The following GOLIM4 variants were observed in gnomAD, a reference collection of about 807,000 sequenced individuals.
GOLIM4 encodes 130 kDa golgi-localized phosphoprotein.
GOLIM4 carries 71 observed loss-of-function variants against 107.4 expected under a neutral mutation model. That is an observed-to-expected ratio of 0.66 (90% CI 0.55 to 0.81). The LOEUF is 0.81. Ranked by LOEUF, GOLIM4 falls within the 30% of genes least tolerant of loss-of-function variation. The pLI, the probability that GOLIM4 is intolerant of heterozygous loss-of-function variation, is 0.00. For missense variants in GOLIM4, 830 were observed against 826.1 expected (o/e 1.00, Z -0.06); for synonymous variants, 327 against 294.8 (o/e 1.11, Z -1.12).
chr3:168,059,917 G>T (rs1448393249), intron 1 of GOLIM4, among the ~76,000 whole-genome samples: 1 of 152,098 alleles, frequency 6.6e-6, no homozygotes, highest in African/African-American at 2.4e-5. Context: ...TAACCCATAG[G>T]AAAGCTGTAC....
rs111502986 is a variant in GOLIM4 at position 168,010,600 on chromosome 3, T to C, written c.1941+143A>G. ...TCATGTTGTCACAACTTTTCCTAATTTCAGGTGGGCCTGTTAAATTCAGTG... is the reference window on the plus strand; with the variant it reads ...TCATGTTGTCACAACTTTTCCTAATCTCAGGTGGGCCTGTTAAATTCAGTG... On this transcript the variant is annotated intron_variant, in intron 15 of 15. Transcript: ENST00000470487. 7.4e-5 allele frequency: 58 copies of C among 782,594 alleles called. No homozygotes were observed. The African/African-American group carries it at 8.7e-4, about 12-fold the overall frequency. 48.5% of individuals were successfully genotyped at this position (782,594 alleles called of 1,614,324 possible).
At chr3:168,059,421 A>G (rs551865724) in intron 1 of GOLIM4, among the ~76,000 whole-genome samples, 1 of 152,336 alleles carries the variant, frequency 6.6e-6, no homozygotes, top group South Asian at 2.1e-4. Flanking sequence ...AATATGCAAC[A>G]TATCTTGGAA....
intron 2 of GOLIM4, among the ~76,000 whole-genome samples, chr3:168,047,891 A>C (rs1719402254): frequency 6.6e-6 from 1 of 152,200 alleles, no homozygotes; most frequent in Non-Finnish European, 1.5e-5. Context: ...ATATATATGT[A>C]TGTGTATAAA....
At position 168,089,769 on chromosome 3, in the gene GOLIM4, C is replaced by T. The variant is rs77425590; in HGVS notation, c.187+5330G>A. Among the ~76,000 whole-genome samples the T allele has an allele frequency of 5.1e-5, 7 of 137,908 alleles. No homozygotes were observed. In the South Asian group the frequency reaches 1.1e-3, roughly 23 times the overall value. 90.5% of individuals were successfully genotyped at this position (137,908 alleles called of 152,430 possible). A position where few individuals can be genotyped will look rare whatever the true frequency, so the allele number is the denominator to read the frequency against. On this transcript the variant is annotated intron_variant, in intron 1 of 15. Transcript: ENST00000470487. The stretch of plus-strand genomic sequence containing the variant: ...GGTTCTGTGCTGAAGATGTTTCTCT[C>T]TTTTTTTTTTTTTTTTTGAGACAGA...
At chr3:168,044,779 T>C in intron 4 of GOLIM4, 49 bp downstream of exon 4, 1 of 1,018,636 alleles carries the variant, frequency 9.8e-7, no homozygotes, top group Non-Finnish European at 1.5e-6. Flanking sequence ...AGTTCAAGTA[T>C]TAGTTAATCC....
chr3:168,037,333 C>T (rs1718714461), intron 7 of GOLIM4, among the ~76,000 whole-genome samples: 1 of 151,954 alleles, frequency 6.6e-6, no homozygotes, highest in Non-Finnish European at 1.5e-5. Context: ...ATTAAAAAAT[C>T]CATTAAAAAC....
intron 14 of GOLIM4, among the ~76,000 whole-genome samples, chr3:168,018,469 G>T (rs554049316): frequency 3.9e-5 from 6 of 152,244 alleles, no homozygotes; most frequent in African/African-American, 1.4e-4. Context: ...TTGACCCACA[G>T]CCTCTAAACT....
chr3:168,079,259 T>C (rs1163853327), intron 1 of GOLIM4, among the ~76,000 whole-genome samples: 1 of 152,196 alleles, frequency 6.6e-6, no homozygotes, highest in Non-Finnish European at 1.5e-5. Flanking sequence ...AAATGAGCAA[T>C]CTACAACTAC....
At chr3:168,076,342 G>C (rs1721082953) in intron 1 of GOLIM4, among the ~76,000 whole-genome samples, 1 of 152,128 alleles carries the variant, frequency 6.6e-6, no homozygotes, top group Non-Finnish European at 1.5e-5. Flanking sequence ...AACTTGTTCT[G>C]TTTTTTGTTT....
At chr3:168,033,523 C>T (rs1248036666) in intron 8 of GOLIM4, among the ~76,000 whole-genome samples, 3 of 131,928 alleles carry the variant, frequency 2.3e-5, no homozygotes, top group Non-Finnish European at 3.1e-5. Flanking sequence ...AGGAGAATGG[C>T]GTGAACCCGG....
chr3:168,062,300 C>T (rs1720316132), intron 1 of GOLIM4, among the ~76,000 whole-genome samples: 1 of 152,076 alleles, frequency 6.6e-6, no homozygotes, highest in South Asian at 2.1e-4. Context: ...TTGTCCTAAG[C>T]CTCAGATAGG....
intron 1 of GOLIM4, among the ~76,000 whole-genome samples, chr3:168,059,023 T>C (rs2108265747): frequency 1.3e-5 from 2 of 152,210 alleles, no homozygotes; most frequent in East Asian, 3.9e-4. Flanking sequence ...GCTCCCAAAA[T>C]TGATGCAAAC....
chr3:168,085,066 T>A (rs183694243), intron 1 of GOLIM4, among the ~76,000 whole-genome samples: 88 of 152,258 alleles, frequency 5.8e-4, no homozygotes, highest in African/African-American at 2.0e-3. Flanking sequence ...TGGTAAACTA[T>A]GAGAAGAAAG....
intron 14 of GOLIM4, among the ~76,000 whole-genome samples, chr3:168,015,997 T>G (rs1395625370): frequency 7.5e-6 from 1 of 133,644 alleles, no homozygotes; most frequent in Non-Finnish European, 1.5e-5. Flanking sequence ...ACTTCATGTC[T>G]AAAACACCAA....
At chr3:168,053,752 C>T (rs544492099) in intron 1 of GOLIM4, among the ~76,000 whole-genome samples, 160 of 152,200 alleles carry the variant, frequency 1.1e-3, no homozygotes, top group Non-Finnish European at 1.5e-3. Context: ...TCCCATTCCT[C>T]CATAAAAGAA....
intron 11 of GOLIM4, among the ~76,000 whole-genome samples, 162 bp downstream of exon 11, chr3:168,029,061 T>G (rs1440911446): frequency 1.3e-5 from 2 of 152,206 alleles, no homozygotes; most frequent in Non-Finnish European, 2.9e-5. Context: ...ACTACCAGCA[T>G]GTACTGTTTA....
chr3:168,074,033 T>C (rs940153969), intron 1 of GOLIM4, among the ~76,000 whole-genome samples: 1 of 152,242 alleles, frequency 6.6e-6, no homozygotes, highest in African/African-American at 2.4e-5. Context: ...GGGCTCCTCC[T>C]GTCTGGGATT....
chr3:168,029,876 T>TGCCGTAGTAAGTGCCCCTGCA lies in GOLIM4; in HGVS notation c.1316_1336dup (p.Leu439_Arg445dup). 6.2e-7 allele frequency: 1 copy of TGCCGTAGTAAGTGCCCCTGCA among 1,614,162 alleles called. No homozygotes were observed. The highest frequency in any genetic ancestry group is 8.5e-7 in the Non-Finnish European group (1 of 1,180,024). On this transcript the variant is annotated inframe_insertion, in exon 10 of 16. Coordinates refer to ENST00000470487, the MANE Select transcript of GOLIM4 (RefSeq NM_014498.5). The stretch of plus-strand genomic sequence containing the variant: ...CACCTGCTGCTGCTGCTGTTCCTGC[T>TGCCGTAGTAAGTGCCCCTGCA]GCCGTAGTAAGTGCCCCTGCAGCCT...
At chr3:168,027,912 A>C in intron 11 of GOLIM4, 75 bp from the exon 12 acceptor site, 1 of 922,866 alleles carries the variant, frequency 1.1e-6, no homozygotes, top group East Asian at 2.4e-5. Context: ...AAGAAAAGCC[A>C]CCAGTGGACT....
Sources: allele counts gnomAD v4.1 joint callset (sites outside exome capture counted in the v4.1 genomes callset), GRCh38; gene constraint gnomAD v4.1.1; transcripts MANE v1.5; gene names NCBI Gene and HGNC (gene_info 2026-07-23, HGNC 2026-07-21).